The following EIF2B2 variants were observed in gnomAD, a reference collection of about 807,000 sequenced individuals.
EIF2B2 encodes eukaryotic translation initiation factor 2B subunit beta.
Under a neutral mutation model 34.7 loss-of-function variants are expected in EIF2B2, and 34 were observed. The ratio of observed to expected loss-of-function variants is 0.98; its 90% CI spans 0.75 to 1.31. The LOEUF is 1.31. Among genes scored for constraint, EIF2B2 ranks in the 50% most tolerant of loss-of-function variants. The pLI, the probability that EIF2B2 is intolerant of heterozygous loss-of-function variation, is 0.00. For missense variants in EIF2B2, 361 were observed against 447.7 expected, an observed-to-expected ratio of 0.81 and a Z score of 1.75; for synonymous variants, 155 against 171.6, an observed-to-expected ratio of 0.90 and a Z score of 0.76.
chr14:75,011,821 G>C lies in EIF2B2; in HGVS notation c.*2633G>C, dbSNP rs1013314. On this transcript the variant is annotated 3_prime_UTR_variant, in exon 8 of 8. Coordinates refer to ENST00000266126, the MANE Select transcript of EIF2B2 (RefSeq NM_014239.4). ...GGTACAATTGTGTGGTTTGGAGTAAGAGCAGCAGTGAGGCAAGGAACTTAA... is the reference window on the plus strand; with the variant it reads ...GGTACAATTGTGTGGTTTGGAGTAACAGCAGCAGTGAGGCAAGGAACTTAA... 3.2e-4 allele frequency: 48 copies of C among 152,182 alleles called. No homozygotes were observed. Among genetic ancestry groups the C allele is most frequent in the African/African-American group, 1.0e-3 (42 of 41,442 alleles). The allele number at this position is 152,182 out of a possible 1,614,324, so 9.4% of individuals were successfully genotyped here.
At chr14:75,005,005 T>C in intron 4 of EIF2B2, 105 bp downstream of exon 4, 1 of 1,129,220 alleles carries the variant, frequency 8.9e-7, no homozygotes, top group South Asian at 1.3e-5. Flanking sequence ...AGCAAGACTT[T>C]GAGACACTGA....
In EIF2B2 at chr14:75,011,343, C is replaced by G. The variant is rs951262592; in HGVS notation, c.*2155C>G. 6.6e-6 allele frequency: 1 copy of G among 152,196 alleles called. No individual in the cohort carries two copies. Among genetic ancestry groups the G allele is most frequent in the East Asian group, 1.9e-4 (1 of 5,198 alleles). The allele number at this position is 152,196 out of a possible 1,614,324, so 9.4% of individuals were successfully genotyped here. A position where few individuals can be genotyped will look rare whatever the true frequency, so the allele number is the denominator to read the frequency against. Reference sequence around the variant, plus strand: ...CCGGTTTTTAACCTAAAAAGTCTCCCAGGTGATCCAGATTTTCTGCCATGT... The same window carrying G: ...CCGGTTTTTAACCTAAAAAGTCTCCGAGGTGATCCAGATTTTCTGCCATGT... On this transcript the variant is annotated 3_prime_UTR_variant, in exon 8 of 8. Transcript: ENST00000266126.
intron 7 of EIF2B2, 133 bp from the exon 8 acceptor site, chr14:75,008,898 T>C: frequency 9.1e-7 from 1 of 1,103,962 alleles, no homozygotes. Context: ...TCTCTTCTGG[T>C]TTGCATTTTT....
In EIF2B2 at chr14:75,006,772, G is replaced by T; in HGVS notation, c.831+58G>T. ...AGAAAAGAAGGAAGCCAAAGGGTAGGCTTGAACTCTGGGACTTCAACCACC... is the reference window on the plus strand; with the variant it reads ...AGAAAAGAAGGAAGCCAAAGGGTAGTCTTGAACTCTGGGACTTCAACCACC... On this transcript the variant is annotated intron_variant, in intron 6 of 7. Transcript: ENST00000266126. The surrounding 1 kb of genome is among the most constrained non-coding windows in gnomAD (Gnocchi z 4.1). 6.2e-7 allele frequency: 1 copy of T among 1,610,340 alleles called. No homozygotes were observed. The highest frequency in any genetic ancestry group is 8.5e-7 in the Non-Finnish European group (1 of 1,178,948).
rs1045660845 is a variant in EIF2B2 at position 75,003,708 on chromosome 14, C to A, written c.433+9C>A. On this transcript the variant is annotated intron_variant, in intron 3 of 7. Coordinates refer to ENST00000266126, the MANE Select transcript of EIF2B2 (RefSeq NM_014239.4). The stretch of plus-strand genomic sequence containing the variant: ...GCTGCTAGTGGAGCTGGGTAAGAGG[C>A]CTGATCGCTGGGAAAATGGGACTGG... The A allele has an allele frequency of 1.2e-6, 2 of 1,614,150 alleles. No homozygotes were observed. The highest frequency in any genetic ancestry group is 1.7e-6 in the Non-Finnish European group (2 of 1,180,030).
In EIF2B2 at chr14:75,006,097, AATCTG is replaced by A; in HGVS notation, c.693+137_693+141del. ...TCAAAGTACATACTTAGGCCTTTTT[AATCTG>A]TTAACTGAATTTCTTTTCCCTTTTT... On this transcript the variant is annotated intron_variant, in intron 5 of 7. Coordinates refer to ENST00000266126, the MANE Select transcript of EIF2B2 (RefSeq NM_014239.4). The surrounding 1 kb of genome is among the most constrained non-coding windows in gnomAD (Gnocchi z 4.1). The A allele has an allele frequency of 1.3e-6, 1 of 766,380 alleles. No homozygotes were observed. 47.5% of individuals were successfully genotyped at this position (766,380 alleles called of 1,614,324 possible).
chr14:75,005,041 AT>A, intron 4 of EIF2B2, 141 bp downstream of exon 4: 1 of 908,388 alleles, frequency 1.1e-6, no homozygotes, highest in Admixed American at 2.0e-5. Flanking sequence ...CATTAAGTGA[AT>A]TTTCAAGGTG....
Position 75,006,688 on chromosome 14 carries a change from G to A in EIF2B2, c.805G>A (p.Ala269Thr). 1 of 1,614,198 alleles carries A rather than the reference G, an allele frequency of 6.2e-7. No individual in the cohort carries two copies. Among genetic ancestry groups the A allele is most frequent in the Non-Finnish European group, 8.5e-7 (1 of 1,180,042 alleles). ...KHHSTPLIVC[A>T]PMFKLSPQFP... ...CCATTCCACCCCACTCATCGTCTGT[G>A]CACCTATGTTCAAACTTTCTCCACA... Residue 269 changes from alanine (A) to threonine (T), a missense_variant, in exon 6 of 8, where the codon GCA becomes ACA. Transcript: ENST00000266126. This position sits in a 1 kb window ranked among gnomAD's most constrained non-coding sequence, Gnocchi z 4.1.
In EIF2B2 at chr14:75,006,683, TC is replaced by T. The variant is rs769527374; in HGVS notation, c.801del (p.Cys268ValfsTer72). 9 of 1,614,198 alleles carry T rather than the reference TC, an allele frequency of 5.6e-6. No individual in the cohort carries two copies. Among genetic ancestry groups the T allele is most frequent in the South Asian group, 5.5e-5 (5 of 91,092 alleles). On this transcript the variant is annotated frameshift_variant, in exon 6 of 8. Coordinates refer to ENST00000266126, the MANE Select transcript of EIF2B2 (RefSeq NM_014239.4). LOFTEE classifies it high-confidence loss of function. The surrounding 1 kb of genome is among the most constrained non-coding windows in gnomAD (Gnocchi z 4.1). ...AAACACCATTCCACCCCACTCATCG[TC>T]TGTGCACCTATGTTCAAACTTTCTC... Reference protein sequence around the residue: ...AAKHHSTPLIVCAPMFKLSPQ... With the variant: ...AAKHHSTPLIXCAPMFKLSPQ...
rs372496506 is a variant in EIF2B2, at chr14:75,004,262, A to G, written c.434-475A>G. Among the ~76,000 whole-genome samples, 9 of 152,306 alleles carry G rather than the reference A, an allele frequency of 5.9e-5. No homozygotes were observed. In the East Asian group the frequency reaches 1.3e-3, roughly 23 times the overall value. ...TTCTCAGCACTTTAGGATTTCCCAG[A>G]TTGCCATTCCTTGGCTGAATCTACT... On this transcript the variant is annotated intron_variant, in intron 3 of 7. Transcript: ENST00000266126.
chr14:75,003,211 G>GCTGAAAATTTCCCAGGC, intron 1 of EIF2B2, 58 bp downstream of exon 1: 1 of 1,613,312 alleles, frequency 6.2e-7, no homozygotes, highest in Non-Finnish European at 8.5e-7. Flanking sequence ...CGATCCCAGG[G>GCTGAAAATTTCCCAGGC]CTGAAAATTT....
intron 6 of EIF2B2, chr14:75,007,020 T>C (rs759214058): frequency 3.9e-5 from 21 of 532,600 alleles, no homozygotes; most frequent in South Asian, 3.2e-4. Flanking sequence ...GCCAAGCAGG[T>C]TGAAAGTAGG....
intron 4 of EIF2B2, among the ~76,000 whole-genome samples, chr14:75,005,573 T>G (rs1889615525): frequency 6.6e-6 from 1 of 152,208 alleles, no homozygotes; most frequent in Non-Finnish European, 1.5e-5. Context: ...CCAGGAGCTA[T>G]CTTGTCAGCA....
rs1309849485 is a variant in EIF2B2, at chr14:75,006,670, A to G, written c.787A>G (p.Thr263Ala). 6.2e-7 allele frequency: 1 copy of G among 1,613,616 alleles called. No individual in the cohort carries two copies. Among genetic ancestry groups the G allele is most frequent in the South Asian group, 1.1e-5 (1 of 91,056 alleles). Residue 263 changes from threonine (T) to alanine (A), a missense_variant, in exon 6 of 8, where the codon ACC becomes GCC. By Grantham distance (58) the Thr-to-Ala change is moderately conservative. Transcript: ENST00000266126. This position sits in a 1 kb window ranked among gnomAD's most constrained non-coding sequence, Gnocchi z 4.1. ...TLALAAKHHS[T>A]PLIVCAPMFK... Reference sequence around the variant, plus strand: ...GGCACTGGCAGCAAAACACCATTCCACCCCACTCATCGTCTGTGCACCTAT... The same window carrying G: ...GGCACTGGCAGCAAAACACCATTCCGCCCCACTCATCGTCTGTGCACCTAT...
chr14:75,007,228 T>C, intron 6 of EIF2B2: 2 of 381,382 alleles, frequency 5.2e-6, no homozygotes, highest in South Asian at 4.0e-5. Context: ...GTATACAATT[T>C]AGTGATATCT....
In EIF2B2 at chr14:75,009,090, C is replaced by G; in HGVS notation, c.958C>G (p.Leu320Val). The G allele has an allele frequency of 6.2e-7, 1 of 1,614,132 alleles. No homozygotes were observed. Among genetic ancestry groups the G allele is most frequent in the South Asian group, 1.1e-5 (1 of 91,086 alleles). ...CPVFDYVPPE[L>V]ITLFISNIGG... ...TGTGTTTGACTACGTTCCCCCAGAG[C>G]TCATTACCCTCTTTATCTCCAACAT... The change falls in exon 8 of 8, where the codon CTC becomes GTC. Residue 320 changes from leucine (L) to valine (V), a missense_variant. Physicochemically the swap from Leu to Val is conservative, Grantham distance 32. Transcript: ENST00000266126.
Position 75,003,136 on chromosome 14 carries a change from A to T in EIF2B2, c.146A>T (p.His49Leu). 6.2e-7 allele frequency: 1 copy of T among 1,613,334 alleles called. No individual in the cohort carries two copies. The highest frequency in any genetic ancestry group is 1.1e-5 in the South Asian group (1 of 91,074). ...LGLLRQIITD[H>L]RWSNAGELME... is the part of the protein sequence containing the mutation. ...TTGCTGCGCCAGATCATCACGGACC[A>T]CCGCTGGAGCAACGCGGGTGAGGCC... is the stretch of plus-strand genomic sequence containing the variant. The change falls in exon 1 of 8, where the codon CAC becomes CTC. Residue 49 changes from histidine (H) to leucine (L), a missense_variant. By Grantham distance (99) the His-to-Leu change is moderately conservative. Coordinates refer to ENST00000266126, the MANE Select transcript of EIF2B2 (RefSeq NM_014239.4).
intron 4 of EIF2B2, chr14:75,005,237 C>T (rs1181542713): frequency 1.7e-5 from 6 of 343,938 alleles, no homozygotes; most frequent in Admixed American, 1.6e-4. Flanking sequence ...ATTAGCTGGG[C>T]GTGGTGGCAC....
chr14:75,003,252 A>C (rs531866161), intron 1 of EIF2B2, 23 bp from the exon 2 acceptor site: 2 of 1,613,284 alleles, frequency 1.2e-6, no homozygotes, highest in Admixed American at 3.3e-5. Context: ...GGCTCCTCTT[A>C]TCCTCTCTCT....
Sources: gnomAD v4.1 joint callset for allele counts (sites outside exome capture counted in the v4.1 genomes callset) on GRCh38, gnomAD v4.1.1 for gene constraint, Gnocchi (gnomAD v3.1) non-coding constraint, MANE v1.5 for transcripts, NCBI Gene and HGNC (gene_info 2026-07-23, HGNC 2026-07-21) for gene names.